Variants in SLIT2 observed in about 807,000 individuals in gnomAD.
SLIT2 encodes the protein slit homolog 2 protein.
SLIT2 carries 41 observed loss-of-function variants against 185.7 expected under a neutral mutation model. The ratio of observed to expected loss-of-function variants is 0.22; its 90% CI spans 0.17 to 0.29. The LOEUF is 0.29. Among genes scored for constraint, SLIT2 ranks in the 10% least tolerant of loss-of-function variants. The pLI is 1.00. For missense variants in SLIT2, 1,571 were observed against 1,909.0 expected, an observed-to-expected ratio of 0.82 and a Z score of 3.30; for synonymous variants, 693 against 680.2, an observed-to-expected ratio of 1.02 and a Z score of -0.29.
intron 3 of SLIT2, among the ~76,000 whole-genome samples, chr4:20,266,027 T>A (rs1712998756): frequency 1.3e-5 from 2 of 151,910 alleles, no homozygotes; most frequent in African/African-American, 4.8e-5. Flanking sequence ...CATGGGGATG[T>A]GGTGAGGAGT....
intron 4 of SLIT2, among the ~76,000 whole-genome samples, chr4:20,371,463 G>A (rs1419432471): frequency 1.3e-5 from 2 of 152,024 alleles, no homozygotes; most frequent in Non-Finnish European, 2.9e-5. Context: ...TAACCATATT[G>A]AAGAAGGACT....
intron 4 of SLIT2, among the ~76,000 whole-genome samples, chr4:20,430,289 G>T (rs1352041930): frequency 6.6e-6 from 1 of 152,106 alleles, no homozygotes; most frequent in Non-Finnish European, 1.5e-5. Context: ...ATGTGAATTT[G>T]GTCCTAACAT....
chr4:20,424,688 G>T (rs950504939), intron 4 of SLIT2, among the ~76,000 whole-genome samples: 1 of 152,062 alleles, frequency 6.6e-6, no homozygotes, highest in Non-Finnish European at 1.5e-5. Context: ...GTGCACATCT[G>T]CTTTTGGGCA....
intron 4 of SLIT2, among the ~76,000 whole-genome samples, chr4:20,298,488 A>G (rs1482491434): frequency 7.2e-5 from 11 of 152,208 alleles, no homozygotes; most frequent in Non-Finnish European, 1.5e-4. Flanking sequence ...CTCTTATTCA[A>G]AAGTCACCAG....
chr4:20,331,969 T>C (rs1720100351), intron 4 of SLIT2, among the ~76,000 whole-genome samples: 1 of 152,232 alleles, frequency 6.6e-6, no homozygotes, highest in Non-Finnish European at 1.5e-5. Flanking sequence ...TCCTTTTTAC[T>C]GCAGAATAAT....
At chr4:20,600,666 G>A (rs1000389369) in intron 33 of SLIT2, among the ~76,000 whole-genome samples, 7 of 151,800 alleles carry the variant, frequency 4.6e-5, no homozygotes, top group South Asian at 4.2e-4. Context: ...CTCGTGATCC[G>A]TCCATTTCAT....
chr4:20,338,313 G>A (rs536727028), intron 4 of SLIT2, among the ~76,000 whole-genome samples: 5 of 152,274 alleles, frequency 3.3e-5, no homozygotes, highest in South Asian at 2.1e-4. Context: ...CCATAGGTAC[G>A]TTAGTGGTCA....
intron 33 of SLIT2, among the ~76,000 whole-genome samples, chr4:20,601,525 G>T (rs1054507206): frequency 1.3e-5 from 2 of 152,118 alleles, no homozygotes; most frequent in African/African-American, 2.4e-5. Context: ...GGCATGACAG[G>T]TGCAATGGAT....
chr4:20,321,782 C>T (rs1302138770), intron 4 of SLIT2, among the ~76,000 whole-genome samples: 2 of 152,180 alleles, frequency 1.3e-5, no homozygotes, highest in African/African-American at 4.8e-5. Context: ...TTCTCTCTCC[C>T]TACAAATTAT....
chr4:20,423,235 C>A (rs1344647700), intron 4 of SLIT2, among the ~76,000 whole-genome samples: 1 of 151,706 alleles, frequency 6.6e-6, no homozygotes, highest in Admixed American at 6.6e-5. Flanking sequence ...TCTAGAAAAC[C>A]AAGTTAATTG....
At chr4:20,523,047 A>G (rs1223615870) in intron 12 of SLIT2, among the ~76,000 whole-genome samples, 1 of 152,188 alleles carries the variant, frequency 6.6e-6, no homozygotes, top group African/African-American at 2.4e-5. Context: ...GACAGCCTGC[A>G]TGTATTAAGG....
intron 5 of SLIT2, among the ~76,000 whole-genome samples, chr4:20,477,969 G>A (rs1447754940): frequency 1.3e-5 from 2 of 152,170 alleles, no homozygotes; most frequent in Non-Finnish European, 2.9e-5. Flanking sequence ...GAAAGGTAGT[G>A]GAGAAGGGAG....
chr4:20,288,915 C>A (rs1442920301), intron 4 of SLIT2, among the ~76,000 whole-genome samples: 2 of 152,210 alleles, frequency 1.3e-5, no homozygotes, highest in African/African-American at 4.8e-5. Flanking sequence ...TAGGAGATAT[C>A]TCCCCTCAAG....
intron 4 of SLIT2, among the ~76,000 whole-genome samples, chr4:20,410,523 G>A (rs2109427239): frequency 6.6e-6 from 1 of 151,736 alleles, no homozygotes; most frequent in East Asian, 2.0e-4. Context: ...CAAAGTGCTG[G>A]GATTACAGGT....
intron 4 of SLIT2, among the ~76,000 whole-genome samples, chr4:20,286,293 A>G (rs1715260589): frequency 6.6e-6 from 1 of 151,966 alleles, no homozygotes; most frequent in African/African-American, 2.4e-5. Context: ...CCCCACCCTC[A>G]TCCCATCATT....
At chr4:20,327,586 C>T (rs1719704386) in intron 4 of SLIT2, among the ~76,000 whole-genome samples, 1 of 151,878 alleles carries the variant, frequency 6.6e-6, no homozygotes, top group Non-Finnish European at 1.5e-5. Context: ...TGCTTATAGG[C>T]AAAGACTTGC....
At chr4:20,414,290 T>G (rs1727485826) in intron 4 of SLIT2, among the ~76,000 whole-genome samples, 1 of 152,212 alleles carries the variant, frequency 6.6e-6, no homozygotes, top group South Asian at 2.1e-4. Context: ...CTAGCTACTT[T>G]ATGCTGTCAT....
chr4:20,418,401 C>T (rs554285563), intron 4 of SLIT2, among the ~76,000 whole-genome samples: 66 of 152,218 alleles, frequency 4.3e-4, no homozygotes, highest in Non-Finnish European at 7.6e-4. Context: ...ATGTAAGGTC[C>T]TAGTTTTCTC....
At chr4:20,584,018 C>A (rs779894759) in intron 29 of SLIT2, among the ~76,000 whole-genome samples, 6 of 151,868 alleles carry the variant, frequency 4.0e-5, no homozygotes, top group African/African-American at 1.2e-4. Flanking sequence ...TTATTTTTAC[C>A]GCTGAATGAA....
Sources: allele counts gnomAD v4.1 joint callset (sites outside exome capture counted in the v4.1 genomes callset), GRCh38; gene constraint gnomAD v4.1.1; transcripts MANE v1.5; gene names NCBI Gene and HGNC (gene_info 2026-07-23, HGNC 2026-07-21).